The following TSPAN9 variants were observed in gnomAD, a reference collection of about 807,000 sequenced individuals.
TSPAN9 encodes tetraspanin-9.
TSPAN9 carries 16 observed loss-of-function variants against 31.0 expected under a neutral mutation model. The observed-to-expected ratio is 0.52, with a 90% CI of 0.35 to 0.78. The LOEUF (loss-of-function observed/expected upper bound fraction) is 0.78. Among genes scored for constraint, TSPAN9 ranks in the 30% least tolerant of loss-of-function variants. TSPAN9 has a pLI of 0.01. For synonymous variants in TSPAN9, 145 were observed against 121.6 expected (o/e 1.19, Z -1.27); for missense variants, 272 against 312.5 (o/e 0.87, Z 0.98).
intron 2 of TSPAN9, among the ~76,000 whole-genome samples, chr12:3,189,945 C>T (rs2153971959): frequency 6.6e-6 from 1 of 152,330 alleles, no homozygotes; most frequent in Admixed American, 6.5e-5. Context: ...CTGTCCCTGC[C>T]ACCCATCCAG....
At chr12:3,114,373 G>A (rs190588307) in intron 2 of TSPAN9, among the ~76,000 whole-genome samples, 2 of 152,220 alleles carry the variant, frequency 1.3e-5, no homozygotes, top group Admixed American at 1.3e-4. Flanking sequence ...GACAGGCGAT[G>A]GGCTGTATTT....
Position 3,281,236 on chromosome 12 carries a change from C to T in TSPAN9, c.471C>T (p.Tyr157=), listed in dbSNP as rs1447639351. ...CCGVTDYTDW[Y]PVLGENTVPD... is the part of the protein sequence containing the mutation. Reference sequence around the variant, plus strand: ...GTGTCACTGACTACACAGACTGGTACCCAGTGCTGGGGGAGAACACGGTTC... The same window carrying T: ...GTGTCACTGACTACACAGACTGGTATCCAGTGCTGGGGGAGAACACGGTTC... Residue 157 remains tyrosine, a synonymous_variant, in exon 7 of 9, where the codon TAC becomes TAT. Transcript: ENST00000011898. 5.2e-6 allele frequency: 8 copies of T among 1,551,256 alleles called. No individual in the cohort carries two copies. In the East Asian group the frequency reaches 7.3e-5, roughly 14 times the overall value.
intron 2 of TSPAN9, among the ~76,000 whole-genome samples, chr12:3,109,531 C>T (rs2098317189): frequency 6.6e-6 from 1 of 151,806 alleles, no homozygotes; most frequent in Non-Finnish European, 1.5e-5. Context: ...GGCATGGTGG[C>T]TCATGCCTGT....
At position 3,226,781 on chromosome 12, in the gene TSPAN9, TATATATATA is replaced by T. The variant is rs1565622639; in HGVS notation, c.63+25526_63+25534del. ...ATATATATATATATATATATATATATATATATATATATATTTTTTTTTTTTTTTCCCTCT... is the reference window on the plus strand; with the variant it reads ...ATATATATATATATATATATATATATTATATTTTTTTTTTTTTTTCCCTCT... On this transcript the variant is annotated intron_variant, in intron 3 of 8. Coordinates refer to ENST00000011898, the MANE Select transcript of TSPAN9 (RefSeq NM_006675.5). Among the ~76,000 whole-genome samples the T allele has an allele frequency of 2.8e-3, 38 of 13,524 alleles. 10 individuals carry two copies. The highest frequency in any genetic ancestry group is 0.013 in the African/African-American group (38 of 2,904). The allele number at this position is 13,524 out of a possible 152,430, so 8.9% of individuals were successfully genotyped here.
At chr12:3,232,510 G>A (rs892857500) in intron 3 of TSPAN9, among the ~76,000 whole-genome samples, 3 of 152,180 alleles carry the variant, frequency 2.0e-5, no homozygotes, top group African/African-American at 7.2e-5. Flanking sequence ...TTGGTCCATG[G>A]AACTTTGAAC....
rs1862901469 is a variant in TSPAN9 at position 3,281,832 on chromosome 12, C to T, written c.648+15C>T. On this transcript the variant is annotated intron_variant, in intron 8 of 8. Transcript: ENST00000011898. ...TCATCATGCAGGTAAGAGGGGCGTCCCCAGCAGCCTCACCCACCCTGCTGG... is the reference window on the plus strand; with the variant it reads ...TCATCATGCAGGTAAGAGGGGCGTCTCCAGCAGCCTCACCCACCCTGCTGG... 6.2e-7 allele frequency: 1 copy of T among 1,613,348 alleles called. No homozygotes were observed. The highest frequency in any genetic ancestry group is 1.1e-5 in the South Asian group (1 of 90,840).
chr12:3,256,550 G>GCT, intron 3 of TSPAN9, among the ~76,000 whole-genome samples: 1 of 152,226 alleles, frequency 6.6e-6, no homozygotes, highest in African/African-American at 2.4e-5. Flanking sequence ...GTCGATTTCG[G>GCT]GAGCGGCCCG....
At chr12:3,235,780 G>A (rs183917319) in intron 3 of TSPAN9, among the ~76,000 whole-genome samples, 1 of 152,356 alleles carries the variant, frequency 6.6e-6, no homozygotes, top group African/African-American at 2.4e-5. Context: ...TGAGGGCTGA[G>A]GGCTGACTCC....
Position 3,283,198 on chromosome 12 carries a change from C to T in TSPAN9, c.*82C>T, listed in dbSNP as rs1312718852. 2 of 1,466,316 alleles carry T rather than the reference C, an allele frequency of 1.4e-6. No individual in the cohort carries two copies. The highest frequency in any genetic ancestry group is 1.9e-6 in the Non-Finnish European group (2 of 1,065,590). 90.8% of individuals were successfully genotyped at this position (1,466,316 alleles called of 1,614,324 possible). ...GAGCTTTGTGTCACCTGCCTGCGCT[C>T]TCCAGATATGACCCCTGCACCCACC... On this transcript the variant is annotated 3_prime_UTR_variant, in exon 9 of 9. Coordinates refer to ENST00000011898, the MANE Select transcript of TSPAN9 (RefSeq NM_006675.5).
At chr12:3,100,564 C>T (rs147539060) in intron 2 of TSPAN9, among the ~76,000 whole-genome samples, 1 of 152,164 alleles carries the variant, frequency 6.6e-6, no homozygotes, top group East Asian at 1.9e-4. Flanking sequence ...GAAGTAGTTT[C>T]GTGTGTTCTG....
chr12:3,206,308 CTG>C (rs1465809915), intron 3 of TSPAN9: 3 of 456,000 alleles, frequency 6.6e-6, no homozygotes, highest in African/African-American at 6.0e-5. Context: ...AATGGGCTGA[CTG>C]GGCTCGCAGA....
chr12:3,108,415 T>A (rs938114663), intron 2 of TSPAN9, among the ~76,000 whole-genome samples: 1 of 152,212 alleles, frequency 6.6e-6, no homozygotes, highest in Non-Finnish European at 1.5e-5. Flanking sequence ...TCTCAAGAAG[T>A]CTAATGCCAT....
At chr12:3,102,299 A>G (rs931317912) in intron 2 of TSPAN9, among the ~76,000 whole-genome samples, 1 of 151,452 alleles carries the variant, frequency 6.6e-6, no homozygotes, top group Non-Finnish European at 1.5e-5. Context: ...AACATTTTTA[A>G]AATTTTTTTG....
chr12:3,122,862 G>T (rs2098325762), intron 2 of TSPAN9, among the ~76,000 whole-genome samples: 1 of 152,190 alleles, frequency 6.6e-6, no homozygotes, highest in Non-Finnish European at 1.5e-5. Context: ...GAAAGCAGGT[G>T]ACCCCGCCTC....
chr12:3,163,284 A>G (rs911981338), intron 2 of TSPAN9, among the ~76,000 whole-genome samples: 21 of 152,210 alleles, frequency 1.4e-4, no homozygotes, highest in Non-Finnish European at 2.5e-4. Flanking sequence ...TGTCTTGTCT[A>G]TAAGCCCCAT....
intron 2 of TSPAN9, among the ~76,000 whole-genome samples, chr12:3,109,014 C>T (rs553470970): frequency 5.3e-5 from 8 of 152,042 alleles, no homozygotes; most frequent in East Asian, 1.9e-4. Context: ...CCGCTCACTG[C>T]AAGCTCCGCC....
At chr12:3,183,166 A>G (rs4766061) in intron 2 of TSPAN9, among the ~76,000 whole-genome samples, 135,027 of 152,246 alleles carry the variant, frequency 0.89, 60,741 homozygotes, top group South Asian at 0.98. Context: ...GGTGCCATAA[A>G]GAAAGGCCAC....
intron 2 of TSPAN9, among the ~76,000 whole-genome samples, chr12:3,090,636 G>A (rs2098303832): frequency 6.6e-6 from 1 of 152,264 alleles, no homozygotes; most frequent in Admixed American, 6.5e-5. Flanking sequence ...CAGAACTCCA[G>A]GGGCGGGCAG....
chr12:3,263,600 G>A (rs1277113836), intron 3 of TSPAN9, among the ~76,000 whole-genome samples: 3 of 152,144 alleles, frequency 2.0e-5, no homozygotes, highest in Non-Finnish European at 4.4e-5. Context: ...TCCTTCACTC[G>A]GGCTCCCACA....
Sources: allele counts gnomAD v4.1 joint callset (sites outside exome capture counted in the v4.1 genomes callset), GRCh38; gene constraint gnomAD v4.1.1; transcripts MANE v1.5; gene names NCBI Gene and HGNC (gene_info 2026-07-23, HGNC 2026-07-21).